The following UHRF1 variants were observed in gnomAD, a reference collection of about 807,000 sequenced individuals.
UHRF1 encodes the protein E3 ubiquitin-protein ligase UHRF1.
In UHRF1, 9 loss-of-function variants were observed where a neutral mutation model predicts 96.5. The observed-to-expected ratio is 0.09, with a 90% CI of 0.06 to 0.16. UHRF1 has a LOEUF of 0.16. UHRF1 is among the 10% of genes least tolerant of loss of function. UHRF1 has a pLI of 1.00. For missense variants in UHRF1, 626 were observed against 1,131.1 expected (o/e 0.55, Z 6.40); for synonymous variants, 455 against 469.9 (o/e 0.97, Z 0.41).
At chr19:4,958,135 C>T (rs959363439) in intron 16 of UHRF1, among the ~76,000 whole-genome samples, 2 of 152,212 alleles carry the variant, frequency 1.3e-5, no homozygotes, top group Admixed American at 6.5e-5. Flanking sequence ...CTCCTCGGGC[C>T]CCACCTGCCT....
intron 7 of UHRF1, among the ~76,000 whole-genome samples, chr19:4,943,495 G>GCCCCCCCCCCC (rs368362097): frequency 7.5e-6 from 1 of 133,208 alleles, no homozygotes; most frequent in Non-Finnish European, 1.6e-5. Context: ...TTGTTGCCCT[G>GCCCCCCCCCCC]CCCCCCCTCC....
At chr19:4,959,894 C>T (rs531060558) in intron 16 of UHRF1, among the ~76,000 whole-genome samples, 1 of 151,464 alleles carries the variant, frequency 6.6e-6, no homozygotes, top group East Asian at 1.9e-4. Flanking sequence ...AGAGTCTTGC[C>T]CTGTCACCCA....
chr19:4,937,293 C>CTTTTTTTTTTTT (rs11411657), intron 5 of UHRF1, among the ~76,000 whole-genome samples: 2 of 125,440 alleles, frequency 1.6e-5, no homozygotes, highest in African/African-American at 6.2e-5. Flanking sequence ...AGATGGGCCA[C>CTTTTTTTTTTTT]TTTTTTTTTT....
chr19:4,918,895 A>G (rs1405624322), intron 2 of UHRF1, among the ~76,000 whole-genome samples: 1 of 150,538 alleles, frequency 6.6e-6, no homozygotes, highest in East Asian at 2.0e-4. Flanking sequence ...CTGATTTTAA[A>G]CATTTTTATA....
At chr19:4,941,955 G>A (rs771805044) in intron 7 of UHRF1, 24 bp downstream of exon 7, 5 of 1,463,290 alleles carry the variant, frequency 3.4e-6, no homozygotes, top group Admixed American at 2.7e-5. Flanking sequence ...TGCCCGCCGC[G>A]GGGAGACCAG....
At chr19:4,941,447 G>T in intron 5 of UHRF1, 81 bp from the exon 6 acceptor site, 1 of 1,105,200 alleles carries the variant, frequency 9.0e-7, no homozygotes, top group Non-Finnish European at 1.3e-6. Context: ...GGCATCCCGA[G>T]AACCCGTGGT....
chr19:4,930,694 A>G lies in UHRF1; in HGVS notation c.409-22A>G. Reference sequence around the variant, plus strand: ...GTTTTCCTCACCCCGTTGGGATGCCAGACTTCCCTCATTCCTCACAGGTCA... The same window carrying G: ...GTTTTCCTCACCCCGTTGGGATGCCGGACTTCCCTCATTCCTCACAGGTCA... On this transcript the variant is annotated intron_variant, in intron 3 of 16. Coordinates refer to ENST00000650932, the MANE Select transcript of UHRF1 (RefSeq NM_001048201.3). This position sits in a 1 kb window ranked among gnomAD's most constrained non-coding sequence, Gnocchi z 4.4. 1 of 1,610,784 alleles carries G rather than the reference A, an allele frequency of 6.2e-7. No individual in the cohort carries two copies. The highest frequency in any genetic ancestry group is 8.5e-7 in the Non-Finnish European group (1 of 1,178,144).
intron 2 of UHRF1, among the ~76,000 whole-genome samples, chr19:4,920,382 A>G (rs2032664852): frequency 6.6e-6 from 1 of 151,928 alleles, no homozygotes; most frequent in Admixed American, 6.6e-5. Flanking sequence ...CAGTGAGCTG[A>G]GATTGCGCCA....
intron 5 of UHRF1, among the ~76,000 whole-genome samples, chr19:4,938,745 T>TG (rs1568421961): frequency 8.5e-5 from 11 of 129,012 alleles, no homozygotes; most frequent in African/African-American, 3.0e-4. Context: ...TTTTTTTTTT[T>TG]TTTTTTTTTT....
At chr19:4,910,281 G>T (rs551156735) in intron 1 of UHRF1, 73 of 150,422 alleles carry the variant, frequency 4.9e-4, no homozygotes, top group African/African-American at 1.6e-3. Context: ...GCGGGTGGCC[G>T]GGACGGGGCG....
chr19:4,913,317 G>T (rs1327418613), intron 2 of UHRF1, among the ~76,000 whole-genome samples: 1 of 140,876 alleles, frequency 7.1e-6, no homozygotes, highest in South Asian at 2.2e-4. Context: ...GCAGTGGCTC[G>T]ATCTGGGCTC....
chr19:4,913,104 G>C (rs924407946), intron 2 of UHRF1, among the ~76,000 whole-genome samples: 3 of 152,016 alleles, frequency 2.0e-5, no homozygotes, highest in African/African-American at 7.3e-5. Flanking sequence ...GAATAATTTT[G>C]ACAAATGTCT....
chr19:4,908,769 T>C (rs1185025793), upstream of UHRF1, among the ~76,000 whole-genome samples: 1 of 152,160 alleles, frequency 6.6e-6, no homozygotes, highest in African/African-American at 2.4e-5. Context: ...CAGATAGGAA[T>C]TTTCCCTCCC....
intron 11 of UHRF1, among the ~76,000 whole-genome samples, chr19:4,947,732 C>T (rs1428268091): frequency 6.6e-6 from 1 of 151,202 alleles, no homozygotes; most frequent in Admixed American, 6.6e-5. Context: ...AACTCCTGAC[C>T]TCAGGTGATC....
intron 4 of UHRF1, among the ~76,000 whole-genome samples, chr19:4,931,457 ATTTTATTTTAT>A (rs2033050426): frequency 6.7e-6 from 1 of 149,078 alleles, no homozygotes; most frequent in Admixed American, 6.7e-5. Flanking sequence ...TTGTATTTTT[ATTTTATTTTAT>A]TTTTATTTTA....
intron 5 of UHRF1, among the ~76,000 whole-genome samples, chr19:4,941,297 G>C (rs1448600384): frequency 3.3e-5 from 5 of 151,732 alleles, no homozygotes; most frequent in Non-Finnish European, 2.9e-5. Context: ...CACCATGTTG[G>C]CCAGGCTGGT....
At chr19:4,942,646 A>G (rs940214322) in intron 7 of UHRF1, among the ~76,000 whole-genome samples, 1 of 151,848 alleles carries the variant, frequency 6.6e-6, no homozygotes, top group Non-Finnish European at 1.5e-5. Flanking sequence ...ACGGGGTTTC[A>G]CCATCTTGGC....
chr19:4,929,242 C>G lies in UHRF1; in HGVS notation c.174C>G (p.Leu58=). The G allele has an allele frequency of 1.2e-6, 2 of 1,613,864 alleles. No homozygotes were observed. The highest frequency in any genetic ancestry group is 1.7e-6 in the Non-Finnish European group (2 of 1,179,844). ...RGKQMEDGHT[L]FDYEVRLNDT... is the part of the protein sequence containing the mutation. ...TGCAGATGGAGGACGGCCATACCCT[C>G]TTCGACTACGAGGTCCGCCTGAATG... Residue 58 remains leucine (L), a synonymous_variant, in exon 3 of 17, where the codon CTC becomes CTG. Transcript: ENST00000650932.
rs552683160 is a variant in UHRF1, at chr19:4,916,438, C to T, written c.153+5400C>T. Among the ~76,000 whole-genome samples the T allele has an allele frequency of 5.3e-5, 8 of 152,258 alleles. No homozygotes were observed. In the South Asian group the frequency reaches 1.5e-3, roughly 28 times the overall value. ...GCAGCCTCCAAAGGCCTCCCTGTGC[C>T]CTCCTGAGACCGCAAGAGGGAAAGT... is the stretch of plus-strand genomic sequence containing the variant. On this transcript the variant is annotated intron_variant, in intron 2 of 16. Coordinates refer to ENST00000650932, the MANE Select transcript of UHRF1 (RefSeq NM_001048201.3).
Sources: gnomAD v4.1 joint callset for allele counts (sites outside exome capture counted in the v4.1 genomes callset) on GRCh38, gnomAD v4.1.1 for gene constraint, Gnocchi (gnomAD v3.1) non-coding constraint, MANE v1.5 for transcripts, NCBI Gene and HGNC (gene_info 2026-07-23, HGNC 2026-07-21) for gene names.